CAND2: variants seen among roughly 807,000 people sequenced by gnomAD.
The protein encoded by CAND2 is cullin associated and neddylation dissociated 2 (putative), also known as cullin-associated NEDD8-dissociated protein 2.
CAND2 carries 62 observed loss-of-function variants against 98.9 expected under a neutral mutation model. The ratio of observed to expected loss-of-function variants is 0.63; its 90% CI spans 0.51 to 0.77. The LOEUF is 0.77. Among genes scored for constraint, CAND2 ranks in the 30% least tolerant of loss-of-function variants. The probability of loss-of-function intolerance (pLI) is 0.00; values close to 1 mark genes in which losing one functional copy is unlikely to be tolerated. For synonymous variants in CAND2, 770 were observed against 731.9 expected (o/e 1.05, Z -0.84); for missense variants, 1,501 against 1,655.2 (o/e 0.91, Z 1.62).
At chr3:12,821,605 C>T (rs1446801084) in intron 11 of CAND2, among the ~76,000 whole-genome samples, 6 of 152,318 alleles carry the variant, frequency 3.9e-5, no homozygotes, top group East Asian at 1.9e-4. Context: ...TCCATTGTAA[C>T]GGAGCTGCCC....
At chr3:12,811,936 G>A (rs1023592490) in intron 5 of CAND2, among the ~76,000 whole-genome samples, 1 of 149,396 alleles carries the variant, frequency 6.7e-6, no homozygotes, top group Non-Finnish European at 1.5e-5. Flanking sequence ...ACTGAGTCTC[G>A]TGTCTTGCTC....
intron 2 of CAND2, among the ~76,000 whole-genome samples, chr3:12,804,979 T>G (rs1244082670): frequency 6.6e-6 from 1 of 152,240 alleles, no homozygotes; most frequent in African/African-American, 2.4e-5. Context: ...ACCAATACCT[T>G]TTTATAACAA....
intron 2 of CAND2, 102 bp from the exon 3 acceptor site, chr3:12,807,204 C>A: frequency 9.0e-7 from 1 of 1,115,442 alleles, no homozygotes. Context: ...GAGGCCTTTT[C>A]CTCAGCACGT....
intron 7 of CAND2, among the ~76,000 whole-genome samples, chr3:12,814,020 T>C (rs1166818049): frequency 6.6e-6 from 1 of 152,152 alleles, no homozygotes; most frequent in African/African-American, 2.4e-5. Context: ...GATGGGATGG[T>C]AAATGAGATT....
At chr3:12,799,520 A>C (rs2061751370) in intron 1 of CAND2, among the ~76,000 whole-genome samples, 1 of 152,126 alleles carries the variant, frequency 6.6e-6, no homozygotes, top group African/African-American at 2.4e-5. Flanking sequence ...GGGGTGTCTG[A>C]AATGCTGAGG....
intron 2 of CAND2, among the ~76,000 whole-genome samples, chr3:12,805,277 C>CA (rs2124838093): frequency 6.8e-6 from 1 of 146,070 alleles, no homozygotes; most frequent in East Asian, 2.0e-4. Context: ...GCAAGATTTT[C>CA]TTTTTTTTTT....
In CAND2 at chr3:12,810,324, G is replaced by C. The variant is rs1038662359; in HGVS notation, c.757G>C (p.Gly253Arg). ...CGGCCGCCAGGCCGGCCACCGCCTC[G>C]GTAAGGGGGCAGGGGGCGGGGCCTG... is the stretch of plus-strand genomic sequence containing the variant. ...SVGRQAGHRLGAHLDRLVPLV... is the reference protein window; with the variant it reads ...SVGRQAGHRLRAHLDRLVPLV... Residue 253 changes from glycine (G) to arginine (R), a missense_variant and splice_region_variant, in exon 5 of 15, where the codon GGG becomes CGG. This residue lies in a region of CAND2 where 1,427 missense variants were observed against 1,545.3 expected (regional missense o/e 0.92). Coordinates refer to ENST00000456430, the MANE Select transcript of CAND2 (RefSeq NM_001162499.2). 2.1e-6 allele frequency: 3 copies of C among 1,453,430 alleles called. No individual in the cohort carries two copies. The highest frequency in any genetic ancestry group is 2.7e-6 in the Non-Finnish European group (3 of 1,103,804). The allele number at this position is 1,453,430 out of a possible 1,614,324, so 90.0% of individuals were successfully genotyped here.
chr3:12,798,025 G>A (rs142802179), intron 1 of CAND2, among the ~76,000 whole-genome samples: 2 of 152,190 alleles, frequency 1.3e-5, no homozygotes, highest in African/African-American at 4.8e-5. Flanking sequence ...GTGTGACCAT[G>A]GACAAGTAAC....
Position 12,827,602 on chromosome 3 carries a change from C to T in CAND2, c.3373C>T (p.Arg1125Trp), listed in dbSNP as rs1158249228. The T allele has an allele frequency of 7.5e-6, 12 of 1,606,798 alleles. No homozygotes were observed. Among genetic ancestry groups the T allele is most frequent in the Non-Finnish European group, 1.0e-5 (12 of 1,175,720 alleles). Residue 1125 changes from arginine to tryptophan, a missense_variant and splice_region_variant, in exon 13 of 15, where the codon CGG becomes TGG. By Grantham distance (101) the Arg-to-Trp change is moderately radical (BLOSUM62 -3). Transcript: ENST00000456430. ...EDGLKDHYDI[R>W]MLTFIMVARL... ...CGGGCTGAAGGACCACTACGACATC[C>T]GGGTAAGACCAAGCCCCCTGCCAGA...
At position 12,827,427 on chromosome 3, in the gene CAND2, A is replaced by T. The variant is rs1398076371; in HGVS notation, c.3211-13A>T. On this transcript the variant is annotated splice_polypyrimidine_tract_variant and intron_variant, in intron 12 of 14. Transcript: ENST00000456430. ...CCCTGGGGCCATATCACCAACCTTCATCCCTCCTGCAGGTGGAGATGGGGC... is the reference window on the plus strand; with the variant it reads ...CCCTGGGGCCATATCACCAACCTTCTTCCCTCCTGCAGGTGGAGATGGGGC... The T allele has an allele frequency of 1.2e-6, 2 of 1,609,832 alleles. No homozygotes were observed. Among genetic ancestry groups the T allele is most frequent in the African/African-American group, 2.7e-5 (2 of 74,834 alleles).
At position 12,834,650 on chromosome 3, in the gene CAND2, A is replaced by T. The variant is rs2062084815; in HGVS notation, c.*668A>T. ...AATTGGGCAACAATGGGCATCTTCC[A>T]TGCCACCACCCAGGCATAACCAGTT... On this transcript the variant is annotated 3_prime_UTR_variant, in exon 15 of 15. Transcript: ENST00000456430. 6.6e-6 allele frequency: 1 copy of T among 152,536 alleles called. No individual in the cohort carries two copies. The highest frequency in any genetic ancestry group is 2.4e-5 in the African/African-American group (1 of 41,442). The allele number at this position is 152,536 out of a possible 1,614,324, so 9.4% of individuals were successfully genotyped here. A position where few individuals can be genotyped will look rare whatever the true frequency, so the allele number is the denominator to read the frequency against.
Position 12,825,548 on chromosome 3 carries a change from A to C in CAND2, c.3119A>C (p.His1040Pro). The change falls in exon 12 of 15, where the codon CAC becomes CCC. Residue 1040 changes from histidine to proline, a missense_variant. By Grantham distance (77) the His-to-Pro change is moderately conservative. Transcript: ENST00000456430. ...CTGGCTTTCTTCAACTCAGCTGTGC[A>C]CAACAAGCCCTCGCTAGTCCGGGAC... is the stretch of plus-strand genomic sequence containing the variant. ...ATLAFFNSAV[H>P]NKPSLVRDLL... 2 of 1,609,778 alleles carry C rather than the reference A, an allele frequency of 1.2e-6. No homozygotes were observed. The highest frequency in any genetic ancestry group is 1.7e-6 in the Non-Finnish European group (2 of 1,178,328).
Position 12,796,688 on chromosome 3 carries a change from T to A in CAND2, c.-33T>A. On this transcript the variant is annotated 5_prime_UTR_variant, in exon 1 of 15. Transcript: ENST00000456430. ...GGGGCGCCCGCGCCGCCATATTCCC[T>A]CCCGCCGGCCGGCTCCGCGGCGCGC... The A allele has an allele frequency of 3.2e-6, 5 of 1,556,742 alleles. No individual in the cohort carries two copies. The highest frequency in any genetic ancestry group is 4.3e-6 in the Non-Finnish European group (5 of 1,150,084).
At position 12,827,659 on chromosome 3, in the gene CAND2, G is replaced by A. The variant is rs1227462238; in HGVS notation, c.3375+55G>A. On this transcript the variant is annotated intron_variant, in intron 13 of 14. Transcript: ENST00000456430. Reference sequence around the variant, plus strand: ...TGCCCCTGTACCAAGGGATAGTCGGGCACCATTGGGGCCATGCTTGTTTGT... The same window carrying A: ...TGCCCCTGTACCAAGGGATAGTCGGACACCATTGGGGCCATGCTTGTTTGT... 3.9e-5 allele frequency: 58 copies of A among 1,501,116 alleles called. No individual in the cohort carries two copies. The South Asian group carries it at 4.2e-4, about 11-fold the overall frequency. The allele number at this position is 1,501,116 out of a possible 1,614,324, so 93.0% of individuals were successfully genotyped here.
intron 10 of CAND2, among the ~76,000 whole-genome samples, chr3:12,819,819 G>A (rs1032328959): frequency 6.6e-6 from 1 of 152,234 alleles, no homozygotes; most frequent in Non-Finnish European, 1.5e-5. Flanking sequence ...TGTTGGAGCA[G>A]TTCCTGTCTT....
chr3:12,823,163 C>A (rs571801697), intron 11 of CAND2, among the ~76,000 whole-genome samples: 1 of 152,198 alleles, frequency 6.6e-6, no homozygotes, highest in Admixed American at 6.5e-5. Flanking sequence ...AAAACTAATA[C>A]TCGTGTGTAG....
intron 1 of CAND2, among the ~76,000 whole-genome samples, chr3:12,801,034 AT>A (rs372893921): frequency 0.16 from 15,868 of 100,750 alleles, 1,828 homozygotes; most frequent in African/African-American, 0.37. Context: ...GGAAATCAGT[AT>A]TTTTTTTTTT....
At chr3:12,823,544 C>T (rs927791165) in intron 11 of CAND2, among the ~76,000 whole-genome samples, 7 of 152,206 alleles carry the variant, frequency 4.6e-5, no homozygotes, top group African/African-American at 2.4e-5. Context: ...CTGGCTAACA[C>T]AGTGAAACCC....
At chr3:12,800,351 A>G (rs185308038) in intron 1 of CAND2, among the ~76,000 whole-genome samples, 1 of 152,348 alleles carries the variant, frequency 6.6e-6, no homozygotes, top group Non-Finnish European at 1.5e-5. Context: ...GAGAGCCAGA[A>G]TCCCAACTGT....
Sources: allele counts gnomAD v4.1 joint callset (sites outside exome capture counted in the v4.1 genomes callset), GRCh38; gene constraint gnomAD v4.1.1; regional missense constraint gnomAD v4.1.1; transcripts MANE v1.5; gene names NCBI Gene and HGNC (gene_info 2026-07-23, HGNC 2026-07-21).